NRG1: variants seen among roughly 807,000 people sequenced by gnomAD.
NRG1 encodes the protein pro-neuregulin-1, membrane-bound isoform.
In NRG1, 18 loss-of-function variants were observed where a neutral mutation model predicts 63.8. The ratio of observed to expected loss-of-function variants is 0.28; its 90% CI spans 0.19 to 0.42. The LOEUF is 0.42. NRG1 is among the 10% of genes least tolerant of loss of function. NRG1 has a pLI of 1.00. For missense variants in NRG1, 762 were observed against 814.7 expected, an observed-to-expected ratio of 0.94 and a Z score of 0.79; for synonymous variants, 302 against 301.3, an observed-to-expected ratio of 1.00 and a Z score of -0.02.
intron 1 of NRG1, among the ~76,000 whole-genome samples, chr8:32,409,619 CACAGTTAATGGAAAATGAACAGAGCAGGT>C (rs1157500457): frequency 3.3e-5 from 5 of 152,032 alleles, no homozygotes; most frequent in Non-Finnish European, 7.4e-5. Context: ...ACAGAGCAGG[CACAGTTAATGGAAAATGAACAGAGCAGGT>C]ACAGTTAATG....
At chr8:32,507,098 T>C (rs1828628865) in intron 1 of NRG1, among the ~76,000 whole-genome samples, 1 of 151,922 alleles carries the variant, frequency 6.6e-6, no homozygotes, top group Non-Finnish European at 1.5e-5. Context: ...TACCCTATGA[T>C]GGGAGAGAGG....
intron 2 of NRG1, among the ~76,000 whole-genome samples, chr8:32,598,352 G>A (rs1394324150): frequency 7.3e-6 from 1 of 136,932 alleles, no homozygotes; most frequent in Non-Finnish European, 1.7e-5. Context: ...CGGTAGATAA[G>A]ATGAGAAAAT....
At chr8:32,670,749 C>T (rs1805430602) in intron 5 of NRG1, among the ~76,000 whole-genome samples, 1 of 152,084 alleles carries the variant, frequency 6.6e-6, no homozygotes, top group African/African-American at 2.4e-5. Context: ...GAACCCTGGC[C>T]AAAGCTGTTT....
intron 1 of NRG1, among the ~76,000 whole-genome samples, chr8:32,263,209 A>AT (rs1047624618): frequency 6.6e-6 from 1 of 152,208 alleles, no homozygotes; most frequent in Admixed American, 6.5e-5. Flanking sequence ...TAACATCCCT[A>AT]TGCTATCCCC....
intron 5 of NRG1, among the ~76,000 whole-genome samples, chr8:32,618,471 C>T (rs192508008): frequency 6.6e-6 from 1 of 152,132 alleles, no homozygotes; most frequent in African/African-American, 2.4e-5. Flanking sequence ...CTATTCATTG[C>T]ATTATCACTG....
chr8:31,877,943 G>A (rs1830053324), intron 1 of NRG1, among the ~76,000 whole-genome samples: 1 of 152,160 alleles, frequency 6.6e-6, no homozygotes, highest in Admixed American at 6.5e-5. Flanking sequence ...TTAAATCGCA[G>A]AGTACTGTTT....
At chr8:31,825,792 A>G (rs1185295953) in intron 1 of NRG1, among the ~76,000 whole-genome samples, 5 of 152,244 alleles carry the variant, frequency 3.3e-5, no homozygotes, top group African/African-American at 1.2e-4. Flanking sequence ...TGACACGGTC[A>G]TAGAATACTG....
intron 1 of NRG1, among the ~76,000 whole-genome samples, chr8:32,584,992 G>A (rs1166846134): frequency 2.6e-5 from 4 of 152,048 alleles, no homozygotes; most frequent in Non-Finnish European, 5.9e-5. Context: ...TTCAACTTGA[G>A]CAAAGAAGAA....
chr8:32,040,749 G>A (rs1206113144), intron 1 of NRG1, among the ~76,000 whole-genome samples: 6 of 3,142 alleles, frequency 1.9e-3, no homozygotes, highest in South Asian at 0.028. Context: ...AAATTTAGGC[G>A]CATATATATA....
chr8:32,254,398 C>T (rs958910596), intron 1 of NRG1, among the ~76,000 whole-genome samples: 1 of 152,128 alleles, frequency 6.6e-6, no homozygotes, highest in African/African-American at 2.4e-5. Context: ...TCATTGGTTT[C>T]AAAGAACTTA....
At chr8:31,852,968 A>G (rs1397250604) in intron 1 of NRG1, among the ~76,000 whole-genome samples, 2 of 152,018 alleles carry the variant, frequency 1.3e-5, no homozygotes, top group East Asian at 3.9e-4. Flanking sequence ...CCATTGATCT[A>G]TATCTCTGTT....
At chr8:31,919,117 CA>C (rs1488424243) in intron 1 of NRG1, among the ~76,000 whole-genome samples, 1 of 151,966 alleles carries the variant, frequency 6.6e-6, no homozygotes, top group African/African-American at 2.4e-5. Context: ...GTCTTGCTAG[CA>C]GTCTATCAAT....
intron 1 of NRG1, among the ~76,000 whole-genome samples, chr8:31,743,742 C>A (rs1231699636): frequency 1.3e-5 from 2 of 151,948 alleles, no homozygotes; most frequent in Non-Finnish European, 1.5e-5. Context: ...TCCAGCAGAT[C>A]CTTTCTGTAC....
intron 1 of NRG1, among the ~76,000 whole-genome samples, chr8:31,939,769 C>T (rs894188903): frequency 2.0e-5 from 3 of 151,180 alleles, no homozygotes; most frequent in African/African-American, 7.2e-5. Flanking sequence ...AATAGCTATT[C>T]TTATATCAGA....
intron 1 of NRG1, among the ~76,000 whole-genome samples, chr8:31,890,586 T>C (rs554382318): frequency 1.3e-5 from 2 of 152,240 alleles, no homozygotes; most frequent in South Asian, 2.1e-4. Flanking sequence ...GAAAGGCACG[T>C]CCTCAGAATG....
intron 1 of NRG1, among the ~76,000 whole-genome samples, chr8:32,440,954 T>C (rs1819453403): frequency 6.6e-6 from 1 of 152,190 alleles, no homozygotes; most frequent in Non-Finnish European, 1.5e-5. Context: ...GAATTTGACA[T>C]AGAATTGTGT....
At chr8:32,677,448 G>A (rs776924084) in intron 5 of NRG1, among the ~76,000 whole-genome samples, 9 of 152,120 alleles carry the variant, frequency 5.9e-5, no homozygotes, top group Non-Finnish European at 1.2e-4. Context: ...CTTGAGCTCA[G>A]GAGTTTGAGA....
chr8:32,756,750 G>A (rs908255450), intron 9 of NRG1, among the ~76,000 whole-genome samples: 2 of 152,230 alleles, frequency 1.3e-5, no homozygotes, highest in East Asian at 1.9e-4. Flanking sequence ...TGTTCATTAA[G>A]GGGTTGGAAT....
At chr8:32,771,530 ATT>A (rs1831787889), downstream of NRG1, among the ~76,000 whole-genome samples, 1 of 150,366 alleles carries the variant, frequency 6.7e-6, no homozygotes, top group Non-Finnish European at 1.5e-5. Flanking sequence ...TTAGTGTTTT[ATT>A]ATTAATATAA....
Sources: gnomAD v4.1 joint callset for allele counts (sites outside exome capture counted in the v4.1 genomes callset) on GRCh38, gnomAD v4.1.1 for gene constraint, MANE v1.5 for transcripts, NCBI Gene and HGNC (gene_info 2026-07-23, HGNC 2026-07-21) for gene names.